The following PLD5 variants were observed in gnomAD, a reference collection of about 807,000 sequenced individuals.
PLD5 encodes inactive phospholipase D5.
A neutral mutation model predicts 61.1 loss-of-function variants in PLD5; 36 were observed. The observed-to-expected ratio is 0.59, with a 90% CI of 0.45 to 0.78. PLD5 has a LOEUF of 0.78. Among genes scored for constraint, PLD5 ranks in the 30% least tolerant of loss-of-function variants. PLD5 has a pLI of 0.00. For missense variants in PLD5, 515 were observed against 644.4 expected (o/e 0.80, Z 2.17); for synonymous variants, 243 against 242.8 (o/e 1.00, Z -0.01).
At chr1:242,323,966 T>C (rs997845439) in intron 2 of PLD5, among the ~76,000 whole-genome samples, 2 of 152,088 alleles carry the variant, frequency 1.3e-5, no homozygotes, top group Admixed American at 6.6e-5. Context: ...GAAATCATTA[T>C]ATTTTCAAAA....
chr1:242,186,511 A>G lies in PLD5; in HGVS notation c.735+33477T>C, dbSNP rs184897718. 3.9e-5 allele frequency among the ~76,000 whole-genome samples: 6 copies of G among 152,220 alleles called. No homozygotes were observed. In the East Asian group the frequency reaches 5.8e-4, roughly 15 times the overall value. ...GCTGTAAGGAATATATTTTTTTTAA[A>G]GTTTCTTTAAAAAAAGGTATAGTCA... is the stretch of plus-strand genomic sequence containing the variant. On this transcript the variant is annotated intron_variant, in intron 5 of 9. Coordinates refer to ENST00000536534, the MANE Select transcript of PLD5 (RefSeq NM_001372062.1).
At chr1:242,114,512 G>T (rs1661790598) in intron 6 of PLD5, among the ~76,000 whole-genome samples, 1 of 152,136 alleles carries the variant, frequency 6.6e-6, no homozygotes, top group Non-Finnish European at 1.5e-5. Flanking sequence ...TAGAACAAGG[G>T]TCCCTATTCC....
chr1:242,500,775 AT>A (rs11366094), intron 1 of PLD5, among the ~76,000 whole-genome samples: 3,428 of 152,242 alleles, frequency 0.023, 123 homozygotes, highest in African/African-American at 0.078. Context: ...AAGGTGGACT[AT>A]GAAAAGAAAG....
intron 4 of PLD5, among the ~76,000 whole-genome samples, chr1:242,231,464 G>T (rs1240754244): frequency 6.6e-6 from 1 of 152,194 alleles, no homozygotes; most frequent in Non-Finnish European, 1.5e-5. Flanking sequence ...CTTACCATTT[G>T]CTGTCCAATA....
At position 242,506,681 on chromosome 1, in the gene PLD5, A is replaced by G. The variant is rs562895088; in HGVS notation, c.189+17407T>C. Among the ~76,000 whole-genome samples the G allele has an allele frequency of 2.2e-4, 33 of 152,346 alleles. No homozygotes were observed. In the South Asian group the frequency reaches 2.5e-3, roughly 11 times the overall value. ...AGGAAAAGAAAAGGGGCCCAGGAAC[A>G]GTAAAGCTCATCTCCACAGAAAAAC... On this transcript the variant is annotated intron_variant, in intron 1 of 9. Transcript: ENST00000536534.
At chr1:242,114,652 G>A (rs887950204) in intron 6 of PLD5, among the ~76,000 whole-genome samples, 1 of 152,152 alleles carries the variant, frequency 6.6e-6, no homozygotes, top group Non-Finnish European at 1.5e-5. Context: ...GACGAGTGGG[G>A]GCATTAGATT....
chr1:242,485,548 A>C lies in PLD5; in HGVS notation c.189+38540T>G, dbSNP rs557917275. Among the ~76,000 whole-genome samples, 1,267 of 152,206 alleles carry C rather than the reference A, an allele frequency of 8.3e-3. 17 individuals are homozygous for C. The highest frequency in any genetic ancestry group is 0.029 in the African/African-American group (1,210 of 41,548). On this transcript the variant is annotated intron_variant, in intron 1 of 9. Transcript: ENST00000536534. ...CTTCAAGGAGAACTACAAACCACTG[A>C]ACAATGAAATAAAAGAGGATACAAA...
intron 2 of PLD5, among the ~76,000 whole-genome samples, chr1:242,317,832 T>C (rs1017403429): frequency 6.6e-6 from 1 of 152,112 alleles, no homozygotes; most frequent in African/African-American, 2.4e-5. Context: ...CAGAGAAATG[T>C]TCCACAGAGA....
At chr1:242,504,512 T>A (rs1043190216) in intron 1 of PLD5, among the ~76,000 whole-genome samples, 9 of 152,224 alleles carry the variant, frequency 5.9e-5, no homozygotes, top group Non-Finnish European at 1.3e-4. Flanking sequence ...ACAAATTGAA[T>A]CTTTAATCAC....
At chr1:242,093,507 G>A (rs766777660) in intron 9 of PLD5, among the ~76,000 whole-genome samples, 6 of 152,078 alleles carry the variant, frequency 3.9e-5, no homozygotes, top group East Asian at 1.9e-4. Context: ...TAATACAAAC[G>A]CCATCGTATT....
chr1:242,126,332 G>A (rs1409681819), intron 5 of PLD5, among the ~76,000 whole-genome samples: 2 of 152,040 alleles, frequency 1.3e-5, no homozygotes, highest in East Asian at 1.9e-4. Context: ...CATATGGGAC[G>A]AAAAAGCCTG....
At chr1:242,161,071 T>A (rs528236085) in intron 5 of PLD5, among the ~76,000 whole-genome samples, 3 of 152,224 alleles carry the variant, frequency 2.0e-5, no homozygotes. Context: ...TTGTAAATCA[T>A]AAAATATTTT....
At chr1:242,505,253 T>A (rs925844479) in intron 1 of PLD5, among the ~76,000 whole-genome samples, 16 of 152,180 alleles carry the variant, frequency 1.1e-4, no homozygotes. Flanking sequence ...GTCAAGTGAA[T>A]CACCACTTTT....
At chr1:242,283,557 A>T (rs1674842927) in intron 3 of PLD5, among the ~76,000 whole-genome samples, 1 of 152,170 alleles carries the variant, frequency 6.6e-6, no homozygotes, top group Non-Finnish European at 1.5e-5. Flanking sequence ...TATTATCTTT[A>T]AAAAAATTAA....
intron 1 of PLD5, among the ~76,000 whole-genome samples, chr1:242,352,774 T>C (rs938633007): frequency 6.6e-5 from 10 of 152,348 alleles, no homozygotes; most frequent in African/African-American, 2.2e-4. Context: ...GTGGTTTTAA[T>C]TGGCATCTCC....
At chr1:242,388,640 TAAG>T in intron 1 of PLD5, among the ~76,000 whole-genome samples, 1 of 152,154 alleles carries the variant, frequency 6.6e-6, no homozygotes, top group East Asian at 1.9e-4. Context: ...TAATACAACC[TAAG>T]ATGTAACCAA....
chr1:242,239,465 A>G (rs1355372354), intron 4 of PLD5, among the ~76,000 whole-genome samples: 1 of 152,206 alleles, frequency 6.6e-6, no homozygotes, highest in Non-Finnish European at 1.5e-5. Context: ...ATTATCAAAG[A>G]CAGCTGAGGA....
At chr1:242,456,277 A>G (rs1666941660) in intron 1 of PLD5, among the ~76,000 whole-genome samples, 1 of 152,136 alleles carries the variant, frequency 6.6e-6, no homozygotes, top group South Asian at 2.1e-4. Flanking sequence ...CTTGCTAGCC[A>G]CTGGCTACAG....
chr1:242,424,625 G>A (rs1167775036), intron 1 of PLD5, among the ~76,000 whole-genome samples: 1 of 151,844 alleles, frequency 6.6e-6, no homozygotes. Flanking sequence ...CATATCACCT[G>A]AGAAGTATCT....
Sources: allele counts gnomAD v4.1 joint callset (sites outside exome capture counted in the v4.1 genomes callset), GRCh38; gene constraint gnomAD v4.1.1; transcripts MANE v1.5; gene names NCBI Gene and HGNC (gene_info 2026-07-23, HGNC 2026-07-21).